The following INVS variants were observed in gnomAD, a reference collection of about 807,000 sequenced individuals.
The protein encoded by INVS is inversin, also known as inversion of embryo turning homolog.
A neutral mutation model predicts 108.8 loss-of-function variants in INVS; 86 were observed. The observed-to-expected ratio is 0.79, with a 90% CI of 0.66 to 0.95. The LOEUF is 0.95. Among genes scored for constraint, INVS ranks in the 40% least tolerant of loss-of-function variants. The pLI, the probability that INVS is intolerant of heterozygous loss-of-function variation, is 0.00. For missense variants in INVS, 1,169 were observed against 1,297.4 expected (o/e 0.90, Z 1.52); for synonymous variants, 455 against 473.5 (o/e 0.96, Z 0.51).
At chr9:100,134,256 C>G (rs1828152114) in intron 3 of INVS, among the ~76,000 whole-genome samples, 1 of 152,198 alleles carries the variant, frequency 6.6e-6, no homozygotes, top group Non-Finnish European at 1.5e-5. Flanking sequence ...CAGGTCATTG[C>G]AAATGCTGTT....
chr9:100,106,172 A>G (rs1022805353), intron 2 of INVS, among the ~76,000 whole-genome samples: 2 of 152,158 alleles, frequency 1.3e-5, no homozygotes, highest in South Asian at 2.1e-4. Context: ...ATCTTTCAGT[A>G]TGGTATCTAC....
intron 3 of INVS, among the ~76,000 whole-genome samples, chr9:100,153,072 T>C (rs1326522662): frequency 6.6e-6 from 1 of 151,896 alleles, no homozygotes; most frequent in Non-Finnish European, 1.5e-5. Flanking sequence ...TGTTATTTAA[T>C]TGGATTATAA....
chr9:100,218,234 G>A (rs1040125250), intron 3 of INVS, among the ~76,000 whole-genome samples: 3 of 152,116 alleles, frequency 2.0e-5, no homozygotes, highest in Non-Finnish European at 4.4e-5. Context: ...GTGAGCAATT[G>A]TTTTTCTCTC....
rs528135350 is a variant in INVS at position 100,268,561 on chromosome 9, G to A, written c.1571+3633G>A. Among the ~76,000 whole-genome samples, 14 of 152,162 alleles carry A rather than the reference G, an allele frequency of 9.2e-5. No homozygotes were observed. In the East Asian group the frequency reaches 9.6e-4, roughly 10 times the overall value. On this transcript the variant is annotated intron_variant, in intron 11 of 16. Transcript: ENST00000262457. ...CCTCTGACAAAATGATAGGAGTTCC[G>A]AGATTAGCTATAAAATACTCTAGCA...
Position 100,301,034 on chromosome 9 carries a change from G to A in INVS, c.*360G>A. 3.2e-6 allele frequency: 1 copy of A among 307,768 alleles called. No individual in the cohort carries two copies. Among genetic ancestry groups the A allele is most frequent in the Non-Finnish European group, 6.3e-6 (1 of 159,434 alleles). 19.1% of individuals were successfully genotyped at this position (307,768 alleles called of 1,614,324 possible). A position where few individuals can be genotyped will look rare whatever the true frequency, so the allele number is the denominator to read the frequency against. The stretch of plus-strand genomic sequence containing the variant: ...GGGTTGGGATTTCTGCCAGCTAGCT[G>A]GTACTGGCTTCTTGTTTCAAGAGAT... On this transcript the variant is annotated 3_prime_UTR_variant, in exon 17 of 17. Transcript: ENST00000262457.
At chr9:100,242,467 C>T in intron 6 of INVS, 103 bp from the exon 7 acceptor site, 1 of 718,722 alleles carries the variant, frequency 1.4e-6, no homozygotes, top group Non-Finnish European at 2.5e-6. Flanking sequence ...GTTGTGAATG[C>T]TGTATTATGT....
At chr9:100,158,796 A>G (rs1829082367) in intron 3 of INVS, among the ~76,000 whole-genome samples, 1 of 152,184 alleles carries the variant, frequency 6.6e-6, no homozygotes, top group Non-Finnish European at 1.5e-5. Flanking sequence ...GAGGGGCCTA[A>G]TGGGAGGTGT....
intron 1 of INVS, among the ~76,000 whole-genome samples, chr9:100,100,764 A>T (rs189704883): frequency 0.2 from 1,841 of 9,334 alleles, 486 homozygotes; most frequent in Middle Eastern, 0.5. Context: ...AATATATATA[A>T]TATATGTATA....
chr9:100,228,763 C>T (rs1831417242), intron 4 of INVS, among the ~76,000 whole-genome samples: 1 of 152,188 alleles, frequency 6.6e-6, no homozygotes, highest in African/African-American at 2.4e-5. Flanking sequence ...TGTGCTGTTT[C>T]CTCATCAATC....
intron 16 of INVS, 68 bp downstream of exon 16, chr9:100,298,078 C>A: frequency 6.2e-7 from 1 of 1,611,402 alleles, no homozygotes; most frequent in Admixed American, 1.7e-5. Context: ...TGTTTCATCC[C>A]CAAAGACAGA....
intron 2 of INVS, among the ~76,000 whole-genome samples, chr9:100,122,822 G>T (rs1453959942): frequency 1.3e-5 from 2 of 151,876 alleles, no homozygotes; most frequent in Non-Finnish European, 2.9e-5. Context: ...CTGACCTCAT[G>T]ATTCGCCCGC....
chr9:100,110,934 T>C (rs1273234869), intron 2 of INVS, among the ~76,000 whole-genome samples: 2 of 152,244 alleles, frequency 1.3e-5, no homozygotes, highest in Non-Finnish European at 2.9e-5. Flanking sequence ...TCATTTTGCA[T>C]GTTAGGACAC....
rs1832998592 is a variant in INVS at position 100,272,885 on chromosome 9, T to A, written c.1593T>A (p.Ala531=). 6.2e-7 allele frequency: 1 copy of A among 1,614,090 alleles called. No homozygotes were observed. Among genetic ancestry groups the A allele is most frequent in the South Asian group, 1.1e-5 (1 of 91,070 alleles). ...NEERYTPLDY[A]LLGERHEVIQ... ...TCAGATACACACCCCTTGATTATGC[T>A]TTGCTTGGTGAGCGCCATGAAGTGA... Residue 531 remains alanine (A), a synonymous_variant, in exon 12 of 17, where the codon GCT becomes GCA. Transcript: ENST00000262457.
intron 3 of INVS, among the ~76,000 whole-genome samples, chr9:100,207,469 T>C (rs575701235): frequency 6.6e-6 from 1 of 152,138 alleles, no homozygotes; most frequent in South Asian, 2.1e-4. Context: ...ATTTTTGTTT[T>C]TTTAGTAGAG....
intron 3 of INVS, among the ~76,000 whole-genome samples, chr9:100,177,929 G>C (rs1169492212): frequency 6.6e-6 from 1 of 152,194 alleles, no homozygotes; most frequent in African/African-American, 2.4e-5. Flanking sequence ...CCAGAGGAAG[G>C]AACAGGCAGC....
chr9:100,102,178 C>T (rs928944423), intron 1 of INVS, among the ~76,000 whole-genome samples: 1 of 151,960 alleles, frequency 6.6e-6, no homozygotes, highest in East Asian at 1.9e-4. Context: ...ACTGCAACCT[C>T]CATCCACCTC....
Position 100,226,235 on chromosome 9 carries a change from G to A in INVS, c.447G>A (p.Lys149=). ...AAGTGGATACACAGGATAAAAACAA[G>A]GTAATGGATACTCAAAATCAAAGAC... The part of the protein sequence containing the change: ...PGEVDTQDKN[K]QTALHWSAYY... Residue 149 remains lysine, a splice_region_variant and synonymous_variant, in exon 4 of 17, where the codon AAG becomes AAA. Transcript: ENST00000262457. The A allele has an allele frequency of 6.2e-7, 1 of 1,613,038 alleles. No homozygotes were observed. Among genetic ancestry groups the A allele is most frequent in the South Asian group, 1.1e-5 (1 of 90,874 alleles).
intron 2 of INVS, among the ~76,000 whole-genome samples, chr9:100,122,120 G>C (rs891676317): frequency 2.7e-4 from 41 of 152,136 alleles, no homozygotes; most frequent in African/African-American, 9.4e-4. Flanking sequence ...GGTCCCATGG[G>C]TGTTTTGAAA....
At chr9:100,207,994 A>C (rs1353063185) in intron 3 of INVS, among the ~76,000 whole-genome samples, 1 of 152,212 alleles carries the variant, frequency 6.6e-6, no homozygotes, top group Non-Finnish European at 1.5e-5. Flanking sequence ...ACATAGCTAT[A>C]ACAAACAGGA....
Sources: allele counts gnomAD v4.1 joint callset (sites outside exome capture counted in the v4.1 genomes callset), GRCh38; gene constraint gnomAD v4.1.1; transcripts MANE v1.5; gene names NCBI Gene and HGNC (gene_info 2026-07-23, HGNC 2026-07-21).